The following HTR7 variants were observed in gnomAD, a reference collection of about 807,000 sequenced individuals.
HTR7 encodes 5-HT-7.
In HTR7, 16 loss-of-function variants were observed where a neutral mutation model predicts 34.0. That is an observed-to-expected ratio of 0.47 (90% CI 0.32 to 0.71). The LOEUF (loss-of-function observed/expected upper bound fraction) is 0.71. Among genes scored for constraint, HTR7 ranks in the 30% least tolerant of loss-of-function variants. The pLI is 0.04. For missense variants in HTR7, 504 were observed against 625.5 expected, an observed-to-expected ratio of 0.81 and a Z score of 2.07; for synonymous variants, 265 against 260.2, an observed-to-expected ratio of 1.02 and a Z score of -0.18.
At chr10:90,828,085 G>T (rs1042994406) in intron 1 of HTR7, among the ~76,000 whole-genome samples, 1 of 142,306 alleles carries the variant, frequency 7.0e-6, no homozygotes, top group Admixed American at 7.0e-5. Flanking sequence ...CAAACACACG[G>T]AAATTAAATA....
intron 1 of HTR7, among the ~76,000 whole-genome samples, chr10:90,818,489 T>G (rs1203268821): frequency 6.6e-6 from 1 of 151,966 alleles, no homozygotes; most frequent in African/African-American, 2.4e-5. Context: ...GAGGTTGCAG[T>G]GAGCCGAGAT....
At chr10:90,805,362 A>G (rs1028503127) in intron 1 of HTR7, among the ~76,000 whole-genome samples, 5 of 152,230 alleles carry the variant, frequency 3.3e-5, no homozygotes, top group African/African-American at 1.2e-4. Context: ...ATTAAATTAA[A>G]TCAGTCTTTG....
Position 90,796,359 on chromosome 10 carries a change from T to C in HTR7, c.540-46765A>G, listed in dbSNP as rs552146941. ...GGAAACTGTTCCACAACACAAATGT[T>C]CCAACCTATGGATGTTTAAATAACA... On this transcript the variant is annotated intron_variant, in intron 1 of 3. Transcript: ENST00000336152. Among the ~76,000 whole-genome samples the C allele has an allele frequency of 5.3e-5, 8 of 152,346 alleles. 1 individual carries two copies. The East Asian group carries it at 1.5e-3, about 29-fold the overall frequency.
intron 1 of HTR7, among the ~76,000 whole-genome samples, chr10:90,809,275 C>A (rs1397768349): frequency 6.6e-6 from 1 of 152,156 alleles, no homozygotes; most frequent in Non-Finnish European, 1.5e-5. Flanking sequence ...GTGGCTGGAG[C>A]TAAAGACATA....
At chr10:90,830,055 C>A (rs1048413678) in intron 1 of HTR7, among the ~76,000 whole-genome samples, 1 of 152,236 alleles carries the variant, frequency 6.6e-6, no homozygotes, top group African/African-American at 2.4e-5. Flanking sequence ...ACACCAATGA[C>A]ATTTCTCACA....
chr10:90,809,722 A>G (rs1391971231), intron 1 of HTR7, among the ~76,000 whole-genome samples: 2 of 152,230 alleles, frequency 1.3e-5, no homozygotes, highest in Non-Finnish European at 2.9e-5. Flanking sequence ...TCTGGCCACC[A>G]GGCCAAGGAA....
intron 1 of HTR7, among the ~76,000 whole-genome samples, chr10:90,826,613 G>C (rs1305429585): frequency 1.3e-5 from 2 of 152,170 alleles, no homozygotes; most frequent in Non-Finnish European, 2.9e-5. Flanking sequence ...GTGAAGTGTA[G>C]AGTTTTTATT....
chr10:90,759,624 C>G (rs377702904), intron 1 of HTR7, among the ~76,000 whole-genome samples: 3 of 144,476 alleles, frequency 2.1e-5, no homozygotes, highest in East Asian at 4.1e-4. Flanking sequence ...CACTGCAGTC[C>G]GCAGTCCGGC....
At chr10:90,797,856 C>G (rs1352453188) in intron 1 of HTR7, among the ~76,000 whole-genome samples, 4 of 152,162 alleles carry the variant, frequency 2.6e-5, no homozygotes, top group Non-Finnish European at 5.9e-5. Context: ...ATTCTGGAGG[C>G]TAGGAAGTCC....
At chr10:90,745,029 T>G (rs1844612553) in intron 2 of HTR7, among the ~76,000 whole-genome samples, 1 of 152,206 alleles carries the variant, frequency 6.6e-6, no homozygotes, top group African/African-American at 2.4e-5. Context: ...TCAGGAAGTC[T>G]TCTCTGATTA....
intron 1 of HTR7, among the ~76,000 whole-genome samples, chr10:90,790,572 T>C (rs369699451): frequency 8.7e-4 from 132 of 152,292 alleles, no homozygotes; most frequent in South Asian, 6.8e-3. Flanking sequence ...ATCCGTTAAT[T>C]GACTCTCTAA....
At chr10:90,784,757 G>A (rs575848688) in intron 1 of HTR7, among the ~76,000 whole-genome samples, 17 of 152,264 alleles carry the variant, frequency 1.1e-4, no homozygotes, top group East Asian at 3.9e-4. Context: ...ACAGGCAGTC[G>A]GGAGAAAGCC....
chr10:90,802,996 C>CTTTTT (rs35715510), intron 1 of HTR7, among the ~76,000 whole-genome samples: 27 of 89,012 alleles, frequency 3.0e-4, no homozygotes, highest in African/African-American at 3.1e-4. Context: ...CATTTGTGGC[C>CTTTTT]TTTTTTTTTT....
chr10:90,744,814 T>C (rs1844609378), intron 2 of HTR7, among the ~76,000 whole-genome samples: 1 of 152,234 alleles, frequency 6.6e-6, no homozygotes, highest in East Asian at 1.9e-4. Flanking sequence ...AGAGCCTTTA[T>C]AATTTCATCT....
chr10:90,772,821 G>A (rs1007237932), intron 1 of HTR7, among the ~76,000 whole-genome samples: 1 of 152,046 alleles, frequency 6.6e-6, no homozygotes. Context: ...CCAGGGTCTG[G>A]GATAAAAGTT....
chr10:90,776,134 G>A (rs1279060935), intron 1 of HTR7, among the ~76,000 whole-genome samples: 2 of 152,218 alleles, frequency 1.3e-5, no homozygotes, highest in African/African-American at 4.8e-5. Context: ...AGCCCCACAT[G>A]GCTATTGCCT....
intron 3 of HTR7, 69 bp from the exon 4 acceptor site, chr10:90,742,597 G>A: frequency 9.1e-7 from 1 of 1,098,892 alleles, no homozygotes; most frequent in South Asian, 1.3e-5. Context: ...TCATTTTGTG[G>A]TAGGTGGACT....
At chr10:90,748,073 C>G (rs1223894928) in intron 2 of HTR7, among the ~76,000 whole-genome samples, 4 of 152,188 alleles carry the variant, frequency 2.6e-5, no homozygotes, top group Non-Finnish European at 5.9e-5. Flanking sequence ...ACTAAGACTT[C>G]TTAGACCAAT....
chr10:90,812,229 C>G (rs1481527763), intron 1 of HTR7, among the ~76,000 whole-genome samples: 3 of 151,850 alleles, frequency 2.0e-5, no homozygotes, highest in Non-Finnish European at 2.9e-5. Flanking sequence ...GACTGTGCCC[C>G]AAAAAAACTT....
Sources: gnomAD v4.1 joint callset for allele counts (sites outside exome capture counted in the v4.1 genomes callset) on GRCh38, gnomAD v4.1.1 for gene constraint, MANE v1.5 for transcripts, NCBI Gene and HGNC (gene_info 2026-07-23, HGNC 2026-07-21) for gene names.